CNGA4: variants seen among roughly 807,000 people sequenced by gnomAD.
CNGA4 encodes cyclic nucleotide gated channel subunit alpha 4, also known as cyclic nucleotide-gated channel alpha-4.
CNGA4 carries 32 observed loss-of-function variants against 45.6 expected under a neutral mutation model. That is an observed-to-expected ratio of 0.70 (90% CI 0.53 to 0.94). CNGA4 has a LOEUF of 0.94. Among genes scored for constraint, CNGA4 ranks in the 40% least tolerant of loss-of-function variants. The pLI is 0.00. For synonymous variants in CNGA4, 293 were observed against 304.6 expected, an observed-to-expected ratio of 0.96 and a Z score of 0.40; for missense variants, 726 against 755.1, an observed-to-expected ratio of 0.96 and a Z score of 0.45.
upstream of CNGA4, among the ~76,000 whole-genome samples, chr11:6,238,598 A>G (rs1181764208): frequency 6.6e-6 from 1 of 152,174 alleles, no homozygotes; most frequent in Non-Finnish European, 1.5e-5. Context: ...CACACTACCT[A>G]TGAGAATGGT....
In CNGA4 at chr11:6,240,807, A is replaced by G. The variant is rs1400992086; in HGVS notation, c.917+96A>G. On this transcript the variant is annotated intron_variant, in intron 4 of 5. Transcript: ENST00000379936. This position sits in a 1 kb window ranked among gnomAD's most constrained non-coding sequence, Gnocchi z 4.9. ...TCCTTAGTGCCTGGTGAGCCAGGCA[A>G]GGCTGTCAAAATGTAGCATTCAGCC... 2.1e-6 allele frequency: 3 copies of G among 1,431,622 alleles called. No individual in the cohort carries two copies. The highest frequency in any genetic ancestry group is 1.4e-5 in the African/African-American group (1 of 70,448). 88.7% of individuals were successfully genotyped at this position (1,431,622 alleles called of 1,614,324 possible).
rs750846325 is a variant in CNGA4, at chr11:6,239,427, T to C, written c.106T>C (p.Trp36Arg). Reference sequence around the variant, plus strand: ...GGACCCATCTGGGGATTACTACTACTGGTGGCTGAACACAATGGTCTTCCC... The same window carrying C: ...GGACCCATCTGGGGATTACTACTACCGGTGGCTGAACACAATGGTCTTCCC... ...VLDPSGDYYY[W>R]WLNTMVFPVM... is the part of the protein sequence containing the mutation. Residue 36 changes from tryptophan to arginine, a missense_variant, in exon 2 of 6, where the codon TGG (tryptophan) becomes CGG (arginine). Trp to Arg is a moderately radical substitution (Grantham distance 101, BLOSUM62 -3). Transcript: ENST00000379936. 3.1e-6 allele frequency: 5 copies of C among 1,614,216 alleles called. No individual in the cohort carries two copies. Among genetic ancestry groups the C allele is most frequent in the African/African-American group, 2.7e-5 (2 of 75,054 alleles).
Position 6,239,205 on chromosome 11 carries a change from C to T in CNGA4, c.-2C>T, listed in dbSNP as rs376537710. The T allele has an allele frequency of 1.2e-5, 19 of 1,613,384 alleles. No homozygotes were observed. The highest frequency in any genetic ancestry group is 1.6e-5 in the Non-Finnish European group (19 of 1,180,030). ...CACACCCCAGCACCAGACCACAGAA[C>T]CATGAGCCAGGACACCAAAGTGAAG... On this transcript the variant is annotated 5_prime_UTR_variant, in exon 1 of 6. Transcript: ENST00000379936.
chr11:6,240,024 T>G lies in CNGA4; in HGVS notation c.272-42T>G. 1 of 1,568,134 alleles carries G rather than the reference T, an allele frequency of 6.4e-7. No individual in the cohort carries two copies. Among genetic ancestry groups the G allele is most frequent in the Non-Finnish European group, 8.6e-7 (1 of 1,156,692 alleles). ...GGGCAGCTCATGCTCAGCCCAAGCT[T>G]GACTACAGCAGGTCCGCTTCCTACC... On this transcript the variant is annotated intron_variant, in intron 3 of 5. Transcript: ENST00000379936. The surrounding 1 kb of genome is among the most constrained non-coding windows in gnomAD (Gnocchi z 4.9).
At chr11:6,236,733 A>G (rs556089409), upstream of CNGA4, among the ~76,000 whole-genome samples, 1 of 152,324 alleles carries the variant, frequency 6.6e-6, no homozygotes, top group South Asian at 2.1e-4. Flanking sequence ...CTATATACTT[A>G]AGGATTGTAC....
At position 6,240,231 on chromosome 11, in the gene CNGA4, G is replaced by T; in HGVS notation, c.437G>T (p.Arg146Leu). 6.2e-7 allele frequency: 1 copy of T among 1,614,186 alleles called. No individual in the cohort carries two copies. The highest frequency in any genetic ancestry group is 8.5e-7 in the Non-Finnish European group (1 of 1,180,028). The change falls in exon 4 of 6, where the codon CGC becomes CTC. Residue 146 changes from arginine (R) to leucine (L), a missense_variant. Transcript: ENST00000379936. This position sits in a 1 kb window ranked among gnomAD's most constrained non-coding sequence, Gnocchi z 4.9. ...ACCCTGAGGCTGAACCGCTTTCTCC[G>T]CGCGCCCCGCCTCTTCGAGGCCTTC... ...TPTLRLNRFLRAPRLFEAFDR... is the reference protein window; with the variant it reads ...TPTLRLNRFLLAPRLFEAFDR...
intron 3 of CNGA4, 129 bp from the exon 4 acceptor site, chr11:6,239,937 G>C (rs1361494668): frequency 1.4e-6 from 2 of 1,387,182 alleles, no homozygotes; most frequent in Admixed American, 4.3e-5. Flanking sequence ...ACCCCGGAAA[G>C]CCGGGAGCAG....
chr11:6,238,090 T>C (rs1313988266), upstream of CNGA4, among the ~76,000 whole-genome samples: 1 of 152,236 alleles, frequency 6.6e-6, no homozygotes, highest in East Asian at 1.9e-4. Context: ...CCAACTCCTA[T>C]TCATCCTGCA....
At position 6,241,416 on chromosome 11, in the gene CNGA4, T is replaced by C. The variant is rs1847915932; in HGVS notation, c.918-15T>C. On this transcript the variant is annotated splice_polypyrimidine_tract_variant and intron_variant, in intron 4 of 5. Coordinates refer to ENST00000379936, the MANE Select transcript of CNGA4 (RefSeq NM_001037329.4). ...TAAAGGGCTGGTAAGGAAATGGCAC[T>C]GTCCTTACTCTCAGGTATCAGCACC... is the stretch of plus-strand genomic sequence containing the variant. The C allele has an allele frequency of 6.4e-7, 1 of 1,558,046 alleles. No individual in the cohort carries two copies.
In CNGA4 at chr11:6,240,493, C is replaced by T. The variant is rs1484597104; in HGVS notation, c.699C>T (p.Gly233=). ...CCACGCTGATACTGACTACAGTGGG[C>T]GATACACCGCCGCCAGCCAGGGAAG... ...YFSTLILTTV[G]DTPPPAREEE... The change falls in exon 4 of 6, where the codon GGC becomes GGT. Residue 233 remains glycine (G), a synonymous_variant. Coordinates refer to ENST00000379936, the MANE Select transcript of CNGA4 (RefSeq NM_001037329.4). This position sits in a 1 kb window ranked among gnomAD's most constrained non-coding sequence, Gnocchi z 4.9. 53 of 1,614,060 alleles carry T rather than the reference C, an allele frequency of 3.3e-5. No individual in the cohort carries two copies. The highest frequency in any genetic ancestry group is 4.4e-5 in the Non-Finnish European group (52 of 1,180,046).
In CNGA4 at chr11:6,240,805, C is replaced by T. The variant is rs530313384; in HGVS notation, c.917+94C>T. 2.8e-6 allele frequency: 4 copies of T among 1,447,734 alleles called. No homozygotes were observed. The highest frequency in any genetic ancestry group is 3.7e-6 in the Non-Finnish European group (4 of 1,067,072). 89.7% of individuals were successfully genotyped at this position (1,447,734 alleles called of 1,614,324 possible). On this transcript the variant is annotated intron_variant, in intron 4 of 5. Coordinates refer to ENST00000379936, the MANE Select transcript of CNGA4 (RefSeq NM_001037329.4). The surrounding 1 kb of genome is among the most constrained non-coding windows in gnomAD (Gnocchi z 4.9). The stretch of plus-strand genomic sequence containing the variant: ...GGTCCTTAGTGCCTGGTGAGCCAGG[C>T]AAGGCTGTCAAAATGTAGCATTCAG...
chr11:6,237,081 A>G (rs997091905), upstream of CNGA4, among the ~76,000 whole-genome samples: 5 of 152,200 alleles, frequency 3.3e-5, no homozygotes, highest in Non-Finnish European at 7.3e-5. Flanking sequence ...CCAAGAGGGA[A>G]CATTCTGAGA....
chr11:6,237,231 CATTTT>C (rs936404192), upstream of CNGA4, among the ~76,000 whole-genome samples: 34 of 152,086 alleles, frequency 2.2e-4, 1 homozygote, highest in Admixed American at 4.6e-4. Flanking sequence ...AATTTGTGAC[CATTTT>C]TTTTAACTGC....
In CNGA4 at chr11:6,240,258, A is replaced by AACGCACAGAGAC. The variant is rs1452715000; in HGVS notation, c.464_465insACGCACAGAGAC (p.Asp155delinsGluArgThrGluThr). 1 of 1,614,200 alleles carries AACGCACAGAGAC rather than the reference A, an allele frequency of 6.2e-7. No individual in the cohort carries two copies. The highest frequency in any genetic ancestry group is 8.5e-7 in the Non-Finnish European group (1 of 1,180,032). On this transcript the variant is annotated protein_altering_variant, in exon 4 of 6. Transcript: ENST00000379936. The surrounding 1 kb of genome is among the most constrained non-coding windows in gnomAD (Gnocchi z 4.9). ...GCGCCCCGCCTCTTCGAGGCCTTCGACCGCACAGAGACCCGCACAGCTTAC... is the reference window on the plus strand; with the variant it reads ...GCGCCCCGCCTCTTCGAGGCCTTCGAACGCACAGAGACCCGCACAGAGACCCGCACAGCTTAC...
chr11:6,239,538 G>A, intron 2 of CNGA4, 53 bp downstream of exon 2: 1 of 1,590,450 alleles, frequency 6.3e-7, no homozygotes, highest in African/African-American at 1.3e-5. Flanking sequence ...GGACTAAAGA[G>A]AGGTCAAGGA....
chr11:6,244,059 G>A lies in CNGA4; in HGVS notation c.1378G>A (p.Ala460Thr). The A allele has an allele frequency of 6.2e-7, 1 of 1,614,208 alleles. No homozygotes were observed. Among genetic ancestry groups the A allele is most frequent in the African/African-American group, 1.3e-5 (1 of 75,050 alleles). The change falls in exon 6 of 6, where the codon GCA becomes ACA. Residue 460 changes from alanine to threonine, a missense_variant. Transcript: ENST00000379936. The surrounding 1 kb of genome is among the most constrained non-coding windows in gnomAD (Gnocchi z 4.5). ...LREVLSEYPQ[A>T]QTIMEEKGRE... ...GGAGGTGCTGAGCGAGTATCCACAAGCACAGACCATCATGGAGGAGAAAGG... is the reference window on the plus strand; with the variant it reads ...GGAGGTGCTGAGCGAGTATCCACAAACACAGACCATCATGGAGGAGAAAGG...
chr11:6,238,578 T>A (rs1847866449), upstream of CNGA4, among the ~76,000 whole-genome samples: 1 of 152,138 alleles, frequency 6.6e-6, no homozygotes, highest in Admixed American at 6.5e-5. Flanking sequence ...CACCATAGGA[T>A]GGCCCCTATC....
Position 6,239,783 on chromosome 11 carries a change from C to T in CNGA4, c.264C>T (p.Phe88=). The change falls in exon 3 of 6, where the codon TTC becomes TTT. Residue 88 remains phenylalanine (F), a synonymous_variant. Coordinates refer to ENST00000379936, the MANE Select transcript of CNGA4 (RefSeq NM_001037329.4). ...ACCTACTAGACATGGTGGTGCGCTTCCACACAGGTCAGTGGGCTTCTAGGA... is the reference window on the plus strand; with the variant it reads ...ACCTACTAGACATGGTGGTGCGCTTTCACACAGGTCAGTGGGCTTCTAGGA... ...LLYLLDMVVR[F]HTGFLEQGIL... 1 of 1,613,200 alleles carries T rather than the reference C, an allele frequency of 6.2e-7. No homozygotes were observed. Among genetic ancestry groups the T allele is most frequent in the Non-Finnish European group, 8.5e-7 (1 of 1,179,420 alleles).
chr11:6,239,898 C>T, intron 3 of CNGA4, 108 bp downstream of exon 3: 1 of 1,342,838 alleles, frequency 7.4e-7, no homozygotes, highest in Middle Eastern at 2.1e-4. Context: ...CCTTCGCGTG[C>T]CTCTATGCCT....
Sources: gnomAD v4.1 joint callset for allele counts (sites outside exome capture counted in the v4.1 genomes callset) on GRCh38, gnomAD v4.1.1 for gene constraint, Gnocchi (gnomAD v3.1) non-coding constraint, MANE v1.5 for transcripts, NCBI Gene and HGNC (gene_info 2026-07-23, HGNC 2026-07-21) for gene names.